PARG: variants seen among roughly 807,000 people sequenced by gnomAD.
PARG encodes poly(ADP-ribose) glycohydrolase, also known as mitochondrial poly(ADP-ribose) glycohydrolase.
In PARG, 35 loss-of-function variants were observed where a neutral mutation model predicts 113.0. The ratio of observed to expected loss-of-function variants is 0.31; its 90% CI spans 0.24 to 0.41. The LOEUF (loss-of-function observed/expected upper bound fraction) is 0.41. Among genes scored for constraint, PARG ranks in the 10% least tolerant of loss-of-function variants. PARG has a pLI of 1.00. For synonymous variants in PARG, 330 were observed against 409.9 expected, an observed-to-expected ratio of 0.81 and a Z score of 2.36; for missense variants, 797 against 1,169.4, an observed-to-expected ratio of 0.68 and a Z score of 4.64.
intron 7 of PARG, among the ~76,000 whole-genome samples, chr10:49,895,683 A>G (rs1361207039): frequency 1.3e-5 from 2 of 151,926 alleles, no homozygotes; most frequent in East Asian, 3.9e-4. Flanking sequence ...TGGGATTACA[A>G]GTGTGAGCCA....
Position 49,819,394 on chromosome 10 carries a change from A to G in PARG, c.2877T>C (p.Ala959=), listed in dbSNP as rs186287242. 6.8e-4 allele frequency: 1,056 copies of G among 1,551,606 alleles called. 1 individual carries two copies. Among genetic ancestry groups the G allele is most frequent in the Non-Finnish European group, 8.6e-4 (982 of 1,146,896 alleles). Residue 959 remains alanine (A), a synonymous_variant, in exon 18 of 18, where the codon GCT becomes GCC. Coordinates refer to ENST00000616448, the MANE Select transcript of PARG (RefSeq NM_003631.5). Reference sequence around the variant, plus strand: ...CAGCGGTCTCTGCACAGGACTCGACAGCATGGTATATGAATGGATAAAGCT... The same window carrying G: ...CAGCGGTCTCTGCACAGGACTCGACGGCATGGTATATGAATGGATAAAGCT... ...DIKLYPFIYH[A]VESCAETADH...
At chr10:49,941,422 G>A in intron 1 of PARG, 87 bp downstream of exon 1, 2 of 1,012,176 alleles carry the variant, frequency 2.0e-6, no homozygotes, top group Non-Finnish European at 3.0e-6. Flanking sequence ...AGACCAGAAA[G>A]GAGTGACTGG....
rs1385882803 is a variant in PARG, at chr10:49,937,621, C to T, written c.218-2479G>A. On this transcript the variant is annotated intron_variant, in intron 1 of 17. Coordinates refer to ENST00000616448, the MANE Select transcript of PARG (RefSeq NM_003631.5). ...AATGACTAGGTTCCTATAACACACA[C>T]GAAGCACGTACTCCTGTGATAAGTC... 2.6e-3 allele frequency among the ~76,000 whole-genome samples: 395 copies of T among 152,256 alleles called. 4 individuals are homozygous for T. Among genetic ancestry groups the T allele is most frequent in the African/African-American group, 8.5e-3 (352 of 41,538 alleles).
At chr10:49,932,565 T>C (rs1303863478) in intron 3 of PARG, among the ~76,000 whole-genome samples, 1 of 152,204 alleles carries the variant, frequency 6.6e-6, no homozygotes, top group South Asian at 2.1e-4. Context: ...ACACAGTAAT[T>C]TTCAATGAAG....
intron 15 of PARG, among the ~76,000 whole-genome samples, chr10:49,835,698 G>C (rs571402469): frequency 6.6e-6 from 1 of 152,120 alleles, no homozygotes; most frequent in South Asian, 2.1e-4. Context: ...ATGAGGCCCA[G>C]GAAAGAAATG....
intron 8 of PARG, among the ~76,000 whole-genome samples, chr10:49,883,962 C>A (rs1227628036): frequency 6.6e-6 from 1 of 151,844 alleles, no homozygotes. Flanking sequence ...CCTTGGATTG[C>A]TTGCTCTGGG....
chr10:49,859,575 G>A (rs1168393564), intron 12 of PARG, among the ~76,000 whole-genome samples: 6 of 152,340 alleles, frequency 3.9e-5, no homozygotes, highest in African/African-American at 1.4e-4. Context: ...GACTACAAAT[G>A]AGAAACAGAC....
At chr10:49,850,611 G>A (rs537224645) in intron 13 of PARG, among the ~76,000 whole-genome samples, 8 of 152,238 alleles carry the variant, frequency 5.3e-5, no homozygotes, top group South Asian at 4.1e-4. Context: ...GACAAGCCTC[G>A]TTTTTCCTGT....
At chr10:49,891,427 A>C (rs369170960) in intron 7 of PARG, among the ~76,000 whole-genome samples, 573 of 151,228 alleles carry the variant, frequency 3.8e-3, no homozygotes, top group East Asian at 0.015. Context: ...CTAGTTAGAT[A>C]CTAATAAAAT....
intron 1 of PARG, among the ~76,000 whole-genome samples, chr10:49,938,737 G>A (rs1488272573): frequency 2.4e-4 from 37 of 152,092 alleles, no homozygotes; most frequent in African/African-American, 8.4e-4. Context: ...CAAAATTAGC[G>A]ATTTCAGTCA....
chr10:49,835,939 C>T (rs1052938221), intron 15 of PARG, among the ~76,000 whole-genome samples: 8 of 152,102 alleles, frequency 5.3e-5, no homozygotes, highest in Non-Finnish European at 1.0e-4. Context: ...CCTACCGTTG[C>T]GTCACAGCTG....
chr10:49,882,588 A>T (rs1427891932), intron 8 of PARG, among the ~76,000 whole-genome samples: 1 of 152,228 alleles, frequency 6.6e-6, no homozygotes, highest in Non-Finnish European at 1.5e-5. Context: ...GGGACTTGTT[A>T]TAGCTTACAA....
intron 16 of PARG, among the ~76,000 whole-genome samples, chr10:49,821,600 G>A (rs756185834): frequency 6.6e-6 from 1 of 152,090 alleles, no homozygotes; most frequent in Non-Finnish European, 1.5e-5. Flanking sequence ...GGCTGGTCTC[G>A]AACTCCTGAC....
rs558247407 is a variant in PARG, at chr10:49,912,856, T to C, written c.1737+3061A>G. 2.6e-3 allele frequency among the ~76,000 whole-genome samples: 403 copies of C among 152,116 alleles called. 2 individuals are homozygous for C. The highest frequency in any genetic ancestry group is 4.2e-3 in the Non-Finnish European group (285 of 67,984). ...GGTAGCACATGCCTGTAGTCCCAGC[T>C]AAACGGGAGGCTAAAGTGGGAGGAA... On this transcript the variant is annotated intron_variant, in intron 7 of 17. Coordinates refer to ENST00000616448, the MANE Select transcript of PARG (RefSeq NM_003631.5).
At chr10:49,908,769 A>C (rs1836999416) in intron 7 of PARG, among the ~76,000 whole-genome samples, 4 of 152,222 alleles carry the variant, frequency 2.6e-5, no homozygotes, top group African/African-American at 9.6e-5. Context: ...GTTATCAAAA[A>C]ACCAAACCAA....
intron 13 of PARG, 148 bp downstream of exon 13, chr10:49,857,158 T>C (rs1371094817): frequency 1.1e-5 from 6 of 547,482 alleles, no homozygotes; most frequent in Non-Finnish European, 2.0e-5. Flanking sequence ...CTGTAATAAT[T>C]TCAAAAACTA....
At position 49,934,107 on chromosome 10, in the gene PARG, T is replaced by C. The variant is rs1296837101; in HGVS notation, c.341A>G (p.Gln114Arg). 2.4e-6 allele frequency: 3 copies of C among 1,247,934 alleles called. No homozygotes were observed. The highest frequency in any genetic ancestry group is 3.5e-6 in the Non-Finnish European group (3 of 845,650). The allele number at this position is 1,247,934 out of a possible 1,614,324, so 77.3% of individuals were successfully genotyped here. The change falls in exon 3 of 18, where the codon CAA becomes CGA. Residue 114 changes from glutamine to arginine, a missense_variant. Gln to Arg is a conservative substitution (Grantham distance 43). Coordinates refer to ENST00000616448, the MANE Select transcript of PARG (RefSeq NM_003631.5). Reference sequence around the variant, plus strand: ...ATTATGTTGGTAAAAGTTATCTTTTTGTACAGAACTCATCATGGATTCTAT... The same window carrying C: ...ATTATGTTGGTAAAAGTTATCTTTTCGTACAGAACTCATCATGGATTCTAT... ...TRIESMMSSVQKDNFYQHNVE... is the reference protein window; with the variant it reads ...TRIESMMSSVRKDNFYQHNVE...
intron 14 of PARG, among the ~76,000 whole-genome samples, chr10:49,842,760 T>C (rs911302443): frequency 1.3e-5 from 2 of 152,124 alleles, no homozygotes; most frequent in Non-Finnish European, 2.9e-5. Flanking sequence ...AAACCAACAA[T>C]AGAAATCTTC....
chr10:49,846,909 A>G (rs539179784), intron 13 of PARG, among the ~76,000 whole-genome samples: 123 of 151,952 alleles, frequency 8.1e-4, no homozygotes, highest in African/African-American at 2.8e-3. Flanking sequence ...TTTTGTGCTA[A>G]AAAGATGGAG....
Sources: allele counts gnomAD v4.1 joint callset (sites outside exome capture counted in the v4.1 genomes callset), GRCh38; gene constraint gnomAD v4.1.1; transcripts MANE v1.5; gene names NCBI Gene and HGNC (gene_info 2026-07-23, HGNC 2026-07-21).